Variants in CHD9 observed in about 807,000 individuals in gnomAD.
CHD9 encodes chromodomain helicase DNA binding protein 9, also known as ATP-dependent chromatin remodeler CHD9.
A neutral mutation model predicts 316.1 loss-of-function variants in CHD9; 77 were observed. The observed-to-expected ratio is 0.24, with a 90% confidence interval of 0.20 to 0.29. CHD9 has a LOEUF of 0.29. CHD9 is among the 10% of genes least tolerant of loss of function. The probability of loss-of-function intolerance (pLI) is 1.00; values close to 1 mark genes in which losing one functional copy is unlikely to be tolerated. For synonymous variants in CHD9, 1,129 were observed against 1,158.3 expected (o/e 0.97, Z 0.51); for missense variants, 2,763 against 3,438.1 (o/e 0.80, Z 4.91).
chr16:53,246,724 A>G (rs1001164629), intron 15 of CHD9, among the ~76,000 whole-genome samples: 6 of 151,654 alleles, frequency 4.0e-5, no homozygotes, highest in Admixed American at 6.6e-5. Context: ...GGGTCTTGTT[A>G]TATTGCTCAG....
intron 2 of CHD9, among the ~76,000 whole-genome samples, chr16:53,167,892 TAGAC>T (rs1448205707): frequency 6.6e-6 from 1 of 152,076 alleles, no homozygotes; most frequent in Non-Finnish European, 1.5e-5. Context: ...ATTGGTCACT[TAGAC>T]AGATATTCTT....
chr16:53,069,221 C>G (rs1046804476), intron 1 of CHD9, among the ~76,000 whole-genome samples: 2 of 152,146 alleles, frequency 1.3e-5, no homozygotes, highest in Non-Finnish European at 2.9e-5. Context: ...CCAGGCTGGT[C>G]TCAAACTCCT....
At chr16:53,288,545 A>T (rs1230419393) in intron 27 of CHD9, among the ~76,000 whole-genome samples, 5 of 152,170 alleles carry the variant, frequency 3.3e-5, no homozygotes, top group African/African-American at 1.2e-4. Context: ...TCTAATATTT[A>T]TGAGAGTGTG....
intron 1 of CHD9, among the ~76,000 whole-genome samples, chr16:53,095,943 G>A (rs984973270): frequency 6.6e-6 from 1 of 152,212 alleles, no homozygotes; most frequent in East Asian, 1.9e-4. Flanking sequence ...CAACTGAAAG[G>A]GTATTAAGTG....
chr16:53,149,253 A>G (rs2040889269), intron 1 of CHD9, among the ~76,000 whole-genome samples: 1 of 152,108 alleles, frequency 6.6e-6, no homozygotes, highest in Admixed American at 6.6e-5. Flanking sequence ...GAGTGTCTGT[A>G]TATGTGTGTT....
At chr16:53,087,403 AC>A (rs1368204160) in intron 1 of CHD9, among the ~76,000 whole-genome samples, 1 of 152,172 alleles carries the variant, frequency 6.6e-6, no homozygotes, top group African/African-American at 2.4e-5. Flanking sequence ...GAAGTCTGTG[AC>A]TAAGCTGTGA....
intron 30 of CHD9, chr16:53,299,661 G>T: frequency 2.8e-6 from 1 of 355,026 alleles, no homozygotes; most frequent in Non-Finnish European, 5.3e-6. Context: ...AAAGAAGATC[G>T]AGGGCCTCCA....
rs1242051279 is a variant in CHD9 at position 53,119,370 on chromosome 16, A to AT, written c.-164-36553dup. 4.4e-5 allele frequency among the ~76,000 whole-genome samples: 6 copies of AT among 137,136 alleles called. No homozygotes were observed. In the East Asian group the frequency reaches 6.2e-4, roughly 14 times the overall value. 90.0% of individuals were successfully genotyped at this position (137,136 alleles called of 152,430 possible). A position where few individuals can be genotyped will look rare whatever the true frequency, so the allele number is the denominator to read the frequency against. On this transcript the variant is annotated intron_variant, in intron 1 of 38. Coordinates refer to ENST00000447540, the MANE Select transcript of CHD9 (RefSeq NM_001308319.2). Reference sequence around the variant, plus strand: ...CCACTTGCAAAGAAAACTCACTGTTATTTAAAAAAAAAACAAAACAAGATT... The same window carrying AT: ...CCACTTGCAAAGAAAACTCACTGTTATTTTAAAAAAAAAACAAAACAAGATT...
At chr16:53,293,075 T>G (rs116233615) in intron 29 of CHD9, 23 bp downstream of exon 29, 1 of 1,561,764 alleles carries the variant, frequency 6.4e-7, no homozygotes. Context: ...CACTAAATTT[T>G]TAATGTATTG....
At chr16:53,063,093 G>T (rs1240064748) in intron 1 of CHD9, among the ~76,000 whole-genome samples, 6 of 151,758 alleles carry the variant, frequency 4.0e-5, no homozygotes, top group Non-Finnish European at 2.9e-5. Context: ...CCACTTACTG[G>T]GTACTTACTA....
At chr16:53,190,884 CAG>C (rs2044423250) in intron 2 of CHD9, among the ~76,000 whole-genome samples, 1 of 152,014 alleles carries the variant, frequency 6.6e-6, no homozygotes, top group Admixed American at 6.6e-5. Flanking sequence ...ACAGATAAGT[CAG>C]GGTAAAATTA....
chr16:53,258,077 CAT>C (rs2050763444), intron 19 of CHD9, among the ~76,000 whole-genome samples: 1 of 152,088 alleles, frequency 6.6e-6, no homozygotes, highest in Non-Finnish European at 1.5e-5. Flanking sequence ...TTAATGAGCA[CAT>C]GTGATTCTTG....
intron 1 of CHD9, among the ~76,000 whole-genome samples, chr16:53,095,720 T>C (rs574600768): frequency 1.3e-4 from 20 of 152,342 alleles, no homozygotes; most frequent in Admixed American, 9.2e-4. Context: ...GTATGTTCCA[T>C]GGGAATTTAC....
At chr16:53,099,141 A>T (rs1381599031) in intron 1 of CHD9, 2 of 152,446 alleles carry the variant, frequency 1.3e-5, no homozygotes, top group African/African-American at 4.8e-5. Context: ...CTGCTTGGCC[A>T]GGAGGAACCT....
Position 53,247,310 on chromosome 16 carries a change from C to T in CHD9, c.3472C>T (p.Leu1158Phe), listed in dbSNP as rs1212907760. Reference protein sequence around the residue: ...YLIKGAEEKILGEFRDTYNPA... With the variant: ...YLIKGAEEKIFGEFRDTYNPA... ...TTTGACAGGTGCTGAGGAGAAAATA[C>T]TTGGAGAATTTAGAGATACTTACAA... Residue 1158 changes from leucine (L) to phenylalanine (F), a missense_variant, in exon 16 of 39, where the codon CTT becomes TTT. By Grantham distance (22) the Leu-to-Phe change is conservative. Around this residue, in one of 15 missense-constraint regions of CHD9, gnomAD observed 155 missense variants for 291.8 expected, o/e 0.53. Coordinates refer to ENST00000447540, the MANE Select transcript of CHD9 (RefSeq NM_001308319.2). 3 of 1,599,302 alleles carry T rather than the reference C, an allele frequency of 1.9e-6. No homozygotes were observed. The highest frequency in any genetic ancestry group is 2.2e-5 in the East Asian group (1 of 44,606).
At chr16:53,177,801 A>G (rs1160263858) in intron 2 of CHD9, among the ~76,000 whole-genome samples, 2 of 152,198 alleles carry the variant, frequency 1.3e-5, no homozygotes, top group African/African-American at 4.8e-5. Flanking sequence ...GGAAGCACTG[A>G]TTTGAATTTA....
chr16:53,323,955 A>G, intron 38 of CHD9, 65 bp from the exon 39 acceptor site: 1 of 1,304,752 alleles, frequency 7.7e-7, no homozygotes, highest in Non-Finnish European at 1.1e-6. Context: ...TATTTGTATG[A>G]TAAGCTAATA....
At chr16:53,092,769 ATTATTTATTTAT>A (rs533269952) in intron 1 of CHD9, among the ~76,000 whole-genome samples, 2 of 151,580 alleles carry the variant, frequency 1.3e-5, no homozygotes, top group Non-Finnish European at 2.9e-5. Context: ...CACCTTTATT[ATTATTTATTTAT>A]TTATTTATTT....
chr16:53,185,299 T>C (rs751887126), intron 2 of CHD9, among the ~76,000 whole-genome samples: 2 of 152,142 alleles, frequency 1.3e-5, no homozygotes, highest in African/African-American at 4.8e-5. Context: ...TGGTCTCAGA[T>C]GGAGATGGGC....
Sources: gnomAD v4.1 joint callset for allele counts (sites outside exome capture counted in the v4.1 genomes callset) on GRCh38, gnomAD v4.1.1 for gene constraint, gnomAD v4.1.1 regional missense constraint, MANE v1.5 for transcripts, NCBI Gene and HGNC (gene_info 2026-07-23, HGNC 2026-07-21) for gene names.